Variants in ZNF236 observed in about 807,000 individuals in gnomAD.
ZNF236 encodes regulated by glucose.
A neutral mutation model predicts 191.2 loss-of-function variants in ZNF236; 50 were observed. The ratio of observed to expected loss-of-function variants is 0.26; its 90% CI spans 0.21 to 0.33. The LOEUF is 0.33. Among genes scored for constraint, ZNF236 ranks in the 10% least tolerant of loss-of-function variants. ZNF236 has a pLI of 1.00. For missense variants in ZNF236, 1,754 were observed against 2,374.5 expected, an observed-to-expected ratio of 0.74 and a Z score of 5.43; for synonymous variants, 907 against 928.8, an observed-to-expected ratio of 0.98 and a Z score of 0.43.
At chr18:76,912,188 TTA>T in intron 16 of ZNF236, 54 bp from the exon 17 acceptor site, 4 of 1,361,598 alleles carry the variant, frequency 2.9e-6, no homozygotes, top group Non-Finnish European at 4.2e-6. Context: ...CTCAGTTGTT[TTA>T]TGTTTATTCA....
In ZNF236 at chr18:76,960,916, C is replaced by T. The variant is rs185665296; in HGVS notation, c.5419+61C>T. ...GTGGCCTGCGAGGCACCCTGTGTTTCGCATACATTGTTTCCTTTAGTTCAC... is the reference window on the plus strand; with the variant it reads ...GTGGCCTGCGAGGCACCCTGTGTTTTGCATACATTGTTTCCTTTAGTTCAC... On this transcript the variant is annotated intron_variant, in intron 30 of 30. Coordinates refer to ENST00000320610, the MANE Select transcript of ZNF236 (RefSeq NM_001306089.2). The surrounding 1 kb of genome is among the most constrained non-coding windows in gnomAD (Gnocchi z 4.4). 7,572 of 1,512,460 alleles carry T rather than the reference C, an allele frequency of 5.0e-3. 33 individuals carry two copies. The highest frequency in any genetic ancestry group is 6.5e-3 in the Middle Eastern group (30 of 4,608). 93.7% of individuals were successfully genotyped at this position (1,512,460 alleles called of 1,614,324 possible). A position where few individuals can be genotyped will look rare whatever the true frequency, so the allele number is the denominator to read the frequency against.
intron 28 of ZNF236, among the ~76,000 whole-genome samples, chr18:76,959,127 C>G (rs1599427937): frequency 6.6e-6 from 1 of 152,236 alleles, no homozygotes; most frequent in East Asian, 1.9e-4. Flanking sequence ...GGAACAGTTT[C>G]CTCTTGGCTT....
At chr18:76,832,226 C>T (rs113936191) in intron 1 of ZNF236, among the ~76,000 whole-genome samples, 91 of 152,102 alleles carry the variant, frequency 6.0e-4, no homozygotes, top group African/African-American at 1.7e-3. Flanking sequence ...ATTACAGGTG[C>T]GCACCACCGC....
At position 76,830,227 on chromosome 18, in the gene ZNF236, G is replaced by T. The variant is rs1296094998; in HGVS notation, c.55+7565G>T. Among the ~76,000 whole-genome samples the T allele has an allele frequency of 3.3e-5, 5 of 152,108 alleles. No homozygotes were observed. In the East Asian group the frequency reaches 7.7e-4, roughly 23 times the overall value. ...TAGTATGAACCCGTATTTTTTTCTG[G>T]CTTGATTCATTCAATATTTATTTTT... On this transcript the variant is annotated intron_variant, in intron 1 of 30. Coordinates refer to ENST00000320610, the MANE Select transcript of ZNF236 (RefSeq NM_001306089.2).
At chr18:76,905,126 A>G in intron 12 of ZNF236, 29 bp from the exon 13 acceptor site, 1 of 1,581,578 alleles carries the variant, frequency 6.3e-7, no homozygotes, top group Non-Finnish European at 8.6e-7. Flanking sequence ...TAAGAAACAT[A>G]TTCATTAAAA....
chr18:76,866,244 C>T (rs753508289), intron 3 of ZNF236, among the ~76,000 whole-genome samples: 2 of 152,148 alleles, frequency 1.3e-5, no homozygotes, highest in East Asian at 1.9e-4. Flanking sequence ...CTCAGTGGCA[C>T]GTACAAATGA....
chr18:76,908,999 G>C (rs939562311), intron 14 of ZNF236, among the ~76,000 whole-genome samples: 5 of 85,864 alleles, frequency 5.8e-5, no homozygotes, highest in Non-Finnish European at 1.4e-4. Context: ...GTGTGTGTGT[G>C]TGTGTGTTTG....
chr18:76,894,534 TATATA>T (rs1389099764), intron 9 of ZNF236, among the ~76,000 whole-genome samples: 3 of 152,390 alleles, frequency 2.0e-5, no homozygotes, highest in African/African-American at 7.2e-5. Flanking sequence ...CATGAATTGA[TATATA>T]CTATTTGTCT....
chr18:76,942,765 T>C (rs1284637862), intron 26 of ZNF236, among the ~76,000 whole-genome samples: 2 of 149,730 alleles, frequency 1.3e-5, no homozygotes, highest in East Asian at 2.0e-4. Flanking sequence ...CCGCCCGCCT[T>C]GGCCTCACAA....
intron 28 of ZNF236, among the ~76,000 whole-genome samples, chr18:76,957,088 C>T (rs73490895): frequency 2.7e-3 from 405 of 152,240 alleles, no homozygotes; most frequent in African/African-American, 9.0e-3. Flanking sequence ...AGGCGTGCCA[C>T]GCTGGCCGGG....
Position 76,927,790 on chromosome 18 carries a change from A to G in ZNF236, c.4415-137A>G, listed in dbSNP as rs1160051214. 1 of 838,480 alleles carries G rather than the reference A, an allele frequency of 1.2e-6. No homozygotes were observed. Among genetic ancestry groups the G allele is most frequent in the Non-Finnish European group, 1.8e-6 (1 of 562,170 alleles). The allele number at this position is 838,480 out of a possible 1,614,324, so 51.9% of individuals were successfully genotyped here. On this transcript the variant is annotated intron_variant, in intron 24 of 30. Coordinates refer to ENST00000320610, the MANE Select transcript of ZNF236 (RefSeq NM_001306089.2). The surrounding 1 kb of genome is among the most constrained non-coding windows in gnomAD (Gnocchi z 5.4). ...TTCTTCTTAGACGAAGGAATTAGAG[A>G]TGACTGATGCTTTGTTTTAAATCTT...
chr18:76,902,622 A>C (rs1977627940), intron 11 of ZNF236, among the ~76,000 whole-genome samples: 1 of 151,918 alleles, frequency 6.6e-6, no homozygotes, highest in African/African-American at 2.4e-5. Flanking sequence ...CCCAGGCTGG[A>C]GTGCAATGGT....
chr18:76,926,940 C>T, intron 22 of ZNF236, 97 bp from the exon 23 acceptor site: 2 of 1,369,222 alleles, frequency 1.5e-6, no homozygotes, highest in Non-Finnish European at 2.0e-6. Context: ...ATGTGTACAA[C>T]TTATGTATTT....
chr18:76,882,357 G>A (rs1001310954), intron 9 of ZNF236, among the ~76,000 whole-genome samples: 8 of 152,102 alleles, frequency 5.3e-5, no homozygotes, highest in Non-Finnish European at 7.3e-5. Flanking sequence ...GGATTCCTGC[G>A]TTCTCTCATG....
intron 1 of ZNF236, among the ~76,000 whole-genome samples, chr18:76,823,490 G>A (rs1974926326): frequency 6.6e-6 from 1 of 151,848 alleles, no homozygotes; most frequent in Admixed American, 6.6e-5. Flanking sequence ...AGAGCGCTGT[G>A]GGTCGTGCAT....
intron 3 of ZNF236, among the ~76,000 whole-genome samples, chr18:76,865,871 G>C (rs1461622617): frequency 6.6e-6 from 1 of 152,080 alleles, no homozygotes; most frequent in East Asian, 1.9e-4. Flanking sequence ...AATATACTTA[G>C]GAACTAAATT....
chr18:76,934,942 A>G (rs1035233216), intron 25 of ZNF236, among the ~76,000 whole-genome samples: 1 of 152,250 alleles, frequency 6.6e-6, no homozygotes, highest in Non-Finnish European at 1.5e-5. Flanking sequence ...CGTACAGTTT[A>G]TTAATCTTTT....
In ZNF236 at chr18:76,912,245, C is replaced by A; in HGVS notation, c.2807C>A (p.Thr936Lys). 1 of 1,612,312 alleles carries A rather than the reference C, an allele frequency of 6.2e-7. No individual in the cohort carries two copies. Among genetic ancestry groups the A allele is most frequent in the Non-Finnish European group, 8.5e-7 (1 of 1,179,008 alleles). The stretch of plus-strand genomic sequence containing the variant: ...CTTTATACTTCTCTTAAATTTTAGA[C>A]AACTCGCTTGATTCAGGAGTCATCC... ...QAPSSDGMNV[T>K]TRLIQESSQE... The change falls in exon 17 of 31, where the codon ACA (threonine) becomes AAA (lysine). Residue 936 changes from threonine to lysine, a missense_variant and splice_region_variant. Thr to Lys is a moderately conservative substitution (Grantham distance 78). Transcript: ENST00000320610.
intron 3 of ZNF236, among the ~76,000 whole-genome samples, chr18:76,867,262 AT>A (rs905985841): frequency 2.2e-4 from 32 of 146,890 alleles, no homozygotes; most frequent in African/African-American, 7.5e-4. Flanking sequence ...TCAAATTATG[AT>A]TTTTTTTTGT....
Sources: gnomAD v4.1 joint callset for allele counts (sites outside exome capture counted in the v4.1 genomes callset) on GRCh38, gnomAD v4.1.1 for gene constraint, Gnocchi (gnomAD v3.1) non-coding constraint, MANE v1.5 for transcripts, NCBI Gene and HGNC (gene_info 2026-07-23, HGNC 2026-07-21) for gene names.